LRRC8C: variants seen among roughly 807,000 people sequenced by gnomAD.
LRRC8C encodes volume-regulated anion channel subunit LRRC8C.
LRRC8C carries 20 observed loss-of-function variants against 55.3 expected under a neutral mutation model. The observed-to-expected ratio is 0.36, with a 90% CI of 0.25 to 0.53. The LOEUF (loss-of-function observed/expected upper bound fraction) is 0.53, where lower values mean the gene tolerates loss of function less well. LRRC8C is among the 20% of genes least tolerant of loss of function. The pLI is 0.92. For missense variants in LRRC8C, 659 were observed against 951.4 expected (o/e 0.69, Z 4.04); for synonymous variants, 376 against 360.7 (o/e 1.04, Z -0.48).
upstream of LRRC8C, among the ~76,000 whole-genome samples, chr1:89,631,306 A>G (rs1656101108): frequency 1.3e-5 from 2 of 152,192 alleles, no homozygotes; most frequent in African/African-American, 4.8e-5. Context: ...AACTGGAAGA[A>G]TAGGGATTTC....
intron 1 of LRRC8C, among the ~76,000 whole-genome samples, chr1:89,674,981 C>T (rs1657514340): frequency 6.6e-6 from 1 of 151,972 alleles, no homozygotes; most frequent in Admixed American, 6.6e-5. Context: ...AAATTTTACC[C>T]CTATTTAACA....
intron 2 of LRRC8C, among the ~76,000 whole-genome samples, chr1:89,698,670 T>A (rs1658236661): frequency 6.6e-6 from 1 of 152,152 alleles, no homozygotes; most frequent in South Asian, 2.1e-4. Context: ...TTTAATGCAC[T>A]TATCTCTTCA....
intron 2 of LRRC8C, among the ~76,000 whole-genome samples, chr1:89,707,234 G>A (rs1022554102): frequency 7.2e-5 from 11 of 151,950 alleles, no homozygotes; most frequent in African/African-American, 2.2e-4. Flanking sequence ...TAGTGAAACC[G>A]CATCTCTACT....
chr1:89,637,951 A>T (rs114065662), intron 1 of LRRC8C, among the ~76,000 whole-genome samples: 2,920 of 152,276 alleles, frequency 0.019, 108 homozygotes, highest in African/African-American at 0.066. Context: ...CATTCGGTGT[A>T]TCTAACCGAA....
intron 2 of LRRC8C, among the ~76,000 whole-genome samples, chr1:89,696,329 G>GA (rs1333572011): frequency 1.3e-5 from 2 of 152,276 alleles, no homozygotes; most frequent in South Asian, 4.1e-4. Context: ...CCTAAGCTCT[G>GA]AAAAATCTAC....
At chr1:89,623,837 T>C in the LRRC8C span, among the ~76,000 whole-genome samples, 295 of 152,330 alleles carry the variant, frequency 1.9e-3, no homozygotes, top group African/African-American at 6.8e-3. Context: ...AGTTATCCCA[T>C]CAATTTCCAC....
intron 1 of LRRC8C, among the ~76,000 whole-genome samples, chr1:89,682,042 T>C (rs1433804661): frequency 6.6e-6 from 1 of 152,118 alleles, no homozygotes; most frequent in African/African-American, 2.4e-5. Flanking sequence ...CCAGGCGTGG[T>C]GGCAGGCGCC....
rs535735423 is a variant in LRRC8C at position 89,681,287 on chromosome 1, A to G, written c.-4-5183A>G. 5.3e-5 allele frequency among the ~76,000 whole-genome samples: 8 copies of G among 152,328 alleles called. No homozygotes were observed. The South Asian group carries it at 1.5e-3, about 28-fold the overall frequency. ...AAAGTTGTGAAAGAGAAGTACAAAAAAAGTTTTCATTGAGCAAGCAAAAGG... is the reference window on the plus strand; with the variant it reads ...AAAGTTGTGAAAGAGAAGTACAAAAGAAGTTTTCATTGAGCAAGCAAAAGG... On this transcript the variant is annotated intron_variant, in intron 1 of 2. Transcript: ENST00000370454.
chr1:89,695,633 T>A (rs1245395754), intron 2 of LRRC8C, among the ~76,000 whole-genome samples: 1 of 152,208 alleles, frequency 6.6e-6, no homozygotes, highest in Non-Finnish European at 1.5e-5. Context: ...AAATCTTTTG[T>A]CTAATAAATA....
At chr1:89,690,623 A>G (rs560217708) in intron 2 of LRRC8C, among the ~76,000 whole-genome samples, 2 of 152,322 alleles carry the variant, frequency 1.3e-5, no homozygotes, top group South Asian at 2.1e-4. Context: ...ATAAGAGTGT[A>G]CCTATGAAAA....
intron 2 of LRRC8C, among the ~76,000 whole-genome samples, chr1:89,688,229 T>C (rs1364080634): frequency 2.0e-5 from 3 of 150,806 alleles, no homozygotes; most frequent in African/African-American, 7.5e-5. Flanking sequence ...TGAGAAGTTA[T>C]TGTCTAAAAA....
intron 1 of LRRC8C, among the ~76,000 whole-genome samples, chr1:89,679,948 A>G (rs1408465779): frequency 6.6e-6 from 1 of 152,200 alleles, no homozygotes; most frequent in East Asian, 1.9e-4. Flanking sequence ...AGCAGAATAC[A>G]TTCTGGGATA....
chr1:89,692,720 T>C (rs182395869), intron 2 of LRRC8C, among the ~76,000 whole-genome samples: 1 of 152,304 alleles, frequency 6.6e-6, no homozygotes, highest in Admixed American at 6.5e-5. Context: ...TGTAGGAGTA[T>C]ATGTGTCTGT....
intron 1 of LRRC8C, among the ~76,000 whole-genome samples, chr1:89,657,247 T>G (rs757291273): frequency 2.6e-5 from 4 of 152,170 alleles, no homozygotes; most frequent in Non-Finnish European, 1.5e-5. Flanking sequence ...ATATATTGCC[T>G]TGGACTAAGG....
At chr1:89,676,928 A>G (rs1452283481) in intron 1 of LRRC8C, among the ~76,000 whole-genome samples, 1 of 152,180 alleles carries the variant, frequency 6.6e-6, no homozygotes, top group Non-Finnish European at 1.5e-5. Flanking sequence ...ACATGAGTGA[A>G]TGAAAGTGAA....
intron 1 of LRRC8C, among the ~76,000 whole-genome samples, chr1:89,639,686 G>A (rs1451749099): frequency 6.6e-6 from 1 of 152,208 alleles, no homozygotes; most frequent in African/African-American, 2.4e-5. Flanking sequence ...TATCTGTCTT[G>A]TTCACTGCCA....
intron 1 of LRRC8C, among the ~76,000 whole-genome samples, chr1:89,646,327 T>C (rs1265449136): frequency 2.0e-5 from 3 of 152,122 alleles, no homozygotes; most frequent in Non-Finnish European, 2.9e-5. Context: ...GTGAAAACTA[T>C]ATGCCAATAC....
chr1:89,704,374 A>G (rs1350543414), intron 2 of LRRC8C, among the ~76,000 whole-genome samples: 1 of 152,188 alleles, frequency 6.6e-6, no homozygotes, highest in East Asian at 1.9e-4. Flanking sequence ...TCAGTAAATT[A>G]TAGCACATCC....
At chr1:89,652,311 TTAGTAATTA>T (rs1656812005) in intron 1 of LRRC8C, among the ~76,000 whole-genome samples, 2 of 152,044 alleles carry the variant, frequency 1.3e-5, no homozygotes, top group African/African-American at 4.8e-5. Context: ...CAGGAAAAAG[TTAGTAATTA>T]TTTCCAGGGG....
Sources: allele counts gnomAD v4.1 joint callset (sites outside exome capture counted in the v4.1 genomes callset), GRCh38; gene constraint gnomAD v4.1.1; transcripts MANE v1.5; gene names NCBI Gene and HGNC (gene_info 2026-07-23, HGNC 2026-07-21).